TRPM3: variants seen among roughly 807,000 people sequenced by gnomAD.
TRPM3 encodes the protein transient receptor potential cation channel subfamily M member 3.
TRPM3 carries 77 observed loss-of-function variants against 181.2 expected under a neutral mutation model. That is an observed-to-expected ratio of 0.42 (90% confidence interval 0.35 to 0.51). TRPM3 has a LOEUF of 0.51. TRPM3 is among the 20% of genes least tolerant of loss of function. TRPM3 has a pLI of 0.01. For missense variants in TRPM3, 1,759 were observed against 2,196.7 expected (o/e 0.80, Z 3.98); for synonymous variants, 745 against 796.4 (o/e 0.94, Z 1.09).
At chr9:70,604,588 A>G (rs1455863897) in intron 19 of TRPM3, among the ~76,000 whole-genome samples, 1 of 152,224 alleles carries the variant, frequency 6.6e-6, no homozygotes, top group Non-Finnish European at 1.5e-5. Flanking sequence ...CTGGGAAGGC[A>G]GCTTAGAAGG....
At chr9:70,751,547 A>G (rs1169897827) in intron 8 of TRPM3, among the ~76,000 whole-genome samples, 5 of 152,160 alleles carry the variant, frequency 3.3e-5, no homozygotes, top group Admixed American at 2.0e-4. Context: ...AAGAAGTTTC[A>G]GGTAATGTCC....
At chr9:71,336,337 G>C (rs554616654) in intron 1 of TRPM3, among the ~76,000 whole-genome samples, 133 of 152,222 alleles carry the variant, frequency 8.7e-4, no homozygotes, top group Admixed American at 1.4e-3. Flanking sequence ...AATCATGAGT[G>C]AACTCCCATT....
In TRPM3 at chr9:70,606,526, G is replaced by A. The variant is rs530002537; in HGVS notation, c.2668-3056C>T. On this transcript the variant is annotated intron_variant, in intron 19 of 25. Coordinates refer to ENST00000677713, the MANE Select transcript of TRPM3 (RefSeq NM_001366145.2). ...TGAAAATAGGGTCTTATGTTTAGAT[G>A]GCATAACAGAGGACTGGCTGCTGTC... Among the ~76,000 whole-genome samples the A allele has an allele frequency of 5.3e-5, 8 of 152,168 alleles. No individual in the cohort carries two copies. The East Asian group carries it at 9.7e-4, about 18-fold the overall frequency.
chr9:71,070,735 T>C (rs2062650743), intron 1 of TRPM3, among the ~76,000 whole-genome samples: 1 of 152,220 alleles, frequency 6.6e-6, no homozygotes, highest in African/African-American at 2.4e-5. Flanking sequence ...TGATTATGTT[T>C]GTATAATATA....
At chr9:71,427,321 A>C (rs1050054321) in intron 1 of TRPM3, among the ~76,000 whole-genome samples, 1 of 152,184 alleles carries the variant, frequency 6.6e-6, no homozygotes, top group Admixed American at 6.5e-5. Context: ...GAAACTTGTT[A>C]AAAATGCAAA....
In TRPM3 at chr9:70,650,606, T is replaced by A. The variant is rs1436195793; in HGVS notation, c.1346-9946A>T. Among the ~76,000 whole-genome samples the A allele has an allele frequency of 3.3e-5, 5 of 152,204 alleles. No individual in the cohort carries two copies. In the East Asian group the frequency reaches 9.6e-4, roughly 29 times the overall value. ...ATTTGTTTTGATTCATTTTTTCGGTTTCCTTCTTTGGAGACCAGTTATGCT... is the reference window on the plus strand; with the variant it reads ...ATTTGTTTTGATTCATTTTTTCGGTATCCTTCTTTGGAGACCAGTTATGCT... On this transcript the variant is annotated intron_variant, in intron 9 of 25. Coordinates refer to ENST00000677713, the MANE Select transcript of TRPM3 (RefSeq NM_001366145.2).
chr9:70,616,140 T>C, intron 17 of TRPM3, 65 bp from the exon 18 acceptor site: 1 of 1,319,492 alleles, frequency 7.6e-7, no homozygotes, highest in Non-Finnish European at 1.0e-6. Context: ...GGTGGTTGTT[T>C]AGAATCAGAG....
intron 8 of TRPM3, among the ~76,000 whole-genome samples, chr9:70,757,914 T>C (rs4744612): frequency 0.42 from 63,840 of 151,912 alleles, 14,000 homozygotes; most frequent in African/African-American, 0.55. Context: ...CTTTGAGAAC[T>C]GGCACAAGAC....
At chr9:71,168,533 GTGATTTAT>G (rs1565297772) in intron 1 of TRPM3, among the ~76,000 whole-genome samples, 1 of 82,098 alleles carries the variant, frequency 1.2e-5, no homozygotes, top group African/African-American at 5.4e-5. Context: ...TTTTTAAGGT[GTGATTTAT>G]TTATTTATTT....
rs189154006 is a variant in TRPM3 at position 70,812,058 on chromosome 9, A to G, written c.973+15789T>C. ...CTTAATGGTAATATCATATTTCTGG[A>G]GTTGCTAAGCAAGCTAGCCTTTGGT... On this transcript the variant is annotated intron_variant, in intron 6 of 25. Coordinates refer to ENST00000677713, the MANE Select transcript of TRPM3 (RefSeq NM_001366145.2). 1.2e-4 allele frequency among the ~76,000 whole-genome samples: 19 copies of G among 152,294 alleles called. No individual in the cohort carries two copies. The East Asian group carries it at 3.3e-3, about 26-fold the overall frequency.
intron 22 of TRPM3, among the ~76,000 whole-genome samples, chr9:70,564,972 G>A (rs1436996562): frequency 6.6e-6 from 1 of 152,166 alleles, no homozygotes; most frequent in Non-Finnish European, 1.5e-5. Flanking sequence ...ATTCCTCTCT[G>A]TGCCCTCTGG....
intron 1 of TRPM3, among the ~76,000 whole-genome samples, chr9:71,102,594 T>A (rs1465821623): frequency 6.6e-6 from 1 of 152,206 alleles, no homozygotes; most frequent in Non-Finnish European, 1.5e-5. Context: ...CTCCTTGGAA[T>A]GTCTTTTATT....
intron 1 of TRPM3, among the ~76,000 whole-genome samples, chr9:71,096,154 C>T (rs749364484): frequency 1.5e-4 from 22 of 151,680 alleles, no homozygotes; most frequent in Non-Finnish European, 2.9e-4. Context: ...CATTTGCTCC[C>T]ATCTTAAAAT....
intron 1 of TRPM3, among the ~76,000 whole-genome samples, chr9:71,111,470 G>T (rs750583587): frequency 2.0e-5 from 3 of 152,058 alleles, no homozygotes; most frequent in Non-Finnish European, 4.4e-5. Context: ...AATGGGGATG[G>T]CATCGCGGGG....
chr9:71,125,166 TA>T (rs1265298984), upstream of TRPM3, among the ~76,000 whole-genome samples: 1 of 152,216 alleles, frequency 6.6e-6, no homozygotes. Flanking sequence ...TGGCCTCTTT[TA>T]TTAATTTTGT....
chr9:70,656,178 T>G (rs931191246), intron 9 of TRPM3, among the ~76,000 whole-genome samples: 9 of 152,208 alleles, frequency 5.9e-5, no homozygotes, highest in African/African-American at 2.2e-4. Flanking sequence ...CATTTATTAA[T>G]CAAGCAATTT....
chr9:70,940,880 T>A (rs1486678172), intron 1 of TRPM3, among the ~76,000 whole-genome samples: 1 of 152,226 alleles, frequency 6.6e-6, no homozygotes, highest in Non-Finnish European at 1.5e-5. Context: ...AGTGGTTGTG[T>A]CTTCATGAGG....
intron 1 of TRPM3, among the ~76,000 whole-genome samples, chr9:71,012,619 A>G (rs2097755204): frequency 6.6e-6 from 1 of 151,952 alleles, no homozygotes; most frequent in South Asian, 2.1e-4. Flanking sequence ...TTTTGTGAAA[A>G]GTGCTTTAAA....
chr9:70,539,764 C>A lies in TRPM3; in HGVS notation c.3708-2359G>T, dbSNP rs182640947. 4.6e-4 allele frequency among the ~76,000 whole-genome samples: 70 copies of A among 152,300 alleles called. 1 individual carries two copies. The highest frequency in any genetic ancestry group is 1.6e-3 in the African/African-American group (65 of 41,568). ...TCATAGACTTGGAATTACTTTTTCA[C>A]TATCTAGCCTATGGAGTTTGATTTT... is the stretch of plus-strand genomic sequence containing the variant. On this transcript the variant is annotated intron_variant, in intron 25 of 25. Transcript: ENST00000677713.
Sources: allele counts gnomAD v4.1 joint callset (sites outside exome capture counted in the v4.1 genomes callset), GRCh38; gene constraint gnomAD v4.1.1; transcripts MANE v1.5; gene names NCBI Gene and HGNC (gene_info 2026-07-23, HGNC 2026-07-21).